Variants in FAF1 observed in about 807,000 individuals in gnomAD.
The protein encoded by FAF1 is FAS-associated factor 1.
FAF1 carries 25 observed loss-of-function variants against 92.5 expected under a neutral mutation model. The observed-to-expected ratio is 0.27, with a 90% CI of 0.20 to 0.38. FAF1 has a LOEUF of 0.38. FAF1 is among the 10% of genes least tolerant of loss of function. The probability of loss-of-function intolerance (pLI) is 1.00; values close to 1 mark genes in which losing one functional copy is unlikely to be tolerated. For missense variants in FAF1, 636 were observed against 793.3 expected, an observed-to-expected ratio of 0.80 and a Z score of 2.38; for synonymous variants, 234 against 273.2, an observed-to-expected ratio of 0.86 and a Z score of 1.42.
chr1:50,681,990 T>C (rs1656447865), intron 7 of FAF1, among the ~76,000 whole-genome samples: 1 of 151,816 alleles, frequency 6.6e-6, no homozygotes, highest in East Asian at 2.0e-4. Context: ...CGTACCACCA[T>C]GCCTGGCTAA....
At chr1:50,913,348 T>C (rs1275039320) in intron 1 of FAF1, among the ~76,000 whole-genome samples, 3 of 152,190 alleles carry the variant, frequency 2.0e-5, no homozygotes, top group Non-Finnish European at 4.4e-5. Context: ...TCATCATCCG[T>C]ACAAGAGAAG....
At chr1:50,704,654 A>G (rs1180396846) in intron 7 of FAF1, among the ~76,000 whole-genome samples, 1 of 152,168 alleles carries the variant, frequency 6.6e-6, no homozygotes, top group African/African-American at 2.4e-5. Context: ...ATGAAATTAC[A>G]ATTTATACAT....
chr1:50,612,365 T>C, intron 8 of FAF1: 1 of 1,245,820 alleles, frequency 8.0e-7, no homozygotes, highest in Non-Finnish European at 1.0e-6. Flanking sequence ...ATAAGTTTGA[T>C]AAATAAAGAG....
At chr1:50,930,909 C>G (rs939199628) in intron 1 of FAF1, among the ~76,000 whole-genome samples, 1 of 152,178 alleles carries the variant, frequency 6.6e-6, no homozygotes, top group Admixed American at 6.5e-5. Flanking sequence ...AAACTGTGTG[C>G]CAGAACTTCT....
intron 6 of FAF1, among the ~76,000 whole-genome samples, chr1:50,712,695 A>G (rs1657988873): frequency 6.6e-6 from 1 of 152,110 alleles, no homozygotes; most frequent in Admixed American, 6.6e-5. Context: ...TGTAATTTGC[A>G]AAGACATTTT....
At chr1:50,605,705 C>T (rs1652345625) in intron 8 of FAF1, among the ~76,000 whole-genome samples, 1 of 152,056 alleles carries the variant, frequency 6.6e-6, no homozygotes, top group Admixed American at 6.5e-5. Flanking sequence ...GGGAAAAGAA[C>T]ATATTAAACA....
intron 2 of FAF1, among the ~76,000 whole-genome samples, chr1:50,844,325 G>A (rs2124648470): frequency 6.6e-6 from 1 of 152,242 alleles, no homozygotes; most frequent in South Asian, 2.1e-4. Flanking sequence ...TCTACAGGCT[G>A]TCAATCACAA....
chr1:50,570,076 T>C (rs958289251), intron 12 of FAF1, among the ~76,000 whole-genome samples: 7 of 152,150 alleles, frequency 4.6e-5, no homozygotes, highest in African/African-American at 1.4e-4. Context: ...ATCTCGACTA[T>C]TATATCGCAG....
rs532384230 is a variant in FAF1 at position 50,870,524 on chromosome 1, C to A, written c.46-12527G>T. Among the ~76,000 whole-genome samples the A allele has an allele frequency of 2.0e-4, 30 of 152,296 alleles. 1 individual carries two copies. The South Asian group carries it at 6.0e-3, about 31-fold the overall frequency. ...CTGCATCGAGCAAGTCCATCAGAAC[C>A]ATTTTTCCAATAGTACACGCTAATT... On this transcript the variant is annotated intron_variant, in intron 1 of 18. Coordinates refer to ENST00000396153, the MANE Select transcript of FAF1 (RefSeq NM_007051.3).
chr1:50,897,104 AAT>A (rs1644763648), intron 1 of FAF1, among the ~76,000 whole-genome samples: 3 of 152,240 alleles, frequency 2.0e-5, no homozygotes, highest in Admixed American at 1.3e-4. Flanking sequence ...AATCTAATAA[AAT>A]ATGTGCAAAA....
chr1:50,607,870 T>C (rs1652499251), intron 8 of FAF1, among the ~76,000 whole-genome samples: 1 of 152,180 alleles, frequency 6.6e-6, no homozygotes, highest in African/African-American at 2.4e-5. Flanking sequence ...AGAGGCAATG[T>C]GGATGTCACA....
chr1:50,742,208 G>A (rs1344000465), intron 5 of FAF1, among the ~76,000 whole-genome samples: 1 of 151,366 alleles, frequency 6.6e-6, no homozygotes, highest in Non-Finnish European at 1.5e-5. Context: ...TAGCTACTTA[G>A]AAGGCTGAGG....
intron 2 of FAF1, among the ~76,000 whole-genome samples, chr1:50,820,845 TAATG>T (rs1644036757): frequency 6.7e-6 from 1 of 150,188 alleles, no homozygotes; most frequent in Non-Finnish European, 1.5e-5. Context: ...GGCTGAATAA[TAATG>T]TGTGTGTGTG....
chr1:50,712,459 C>A (rs1657973249), intron 6 of FAF1, among the ~76,000 whole-genome samples: 1 of 151,772 alleles, frequency 6.6e-6, no homozygotes, highest in Non-Finnish European at 1.5e-5. Context: ...AATTTGAGAC[C>A]AGCCTGGCCA....
intron 7 of FAF1, among the ~76,000 whole-genome samples, chr1:50,693,929 C>G (rs1260174751): frequency 6.8e-6 from 1 of 147,292 alleles, no homozygotes; most frequent in Non-Finnish European, 1.5e-5. Context: ...GAAATCAAGA[C>G]TCTTAAGATA....
At chr1:50,549,432 C>A (rs1390223756) in intron 13 of FAF1, among the ~76,000 whole-genome samples, 1 of 151,538 alleles carries the variant, frequency 6.6e-6, no homozygotes, top group East Asian at 2.0e-4. Flanking sequence ...CCTCAGCCTC[C>A]CGAGTAGCTG....
intron 6 of FAF1, among the ~76,000 whole-genome samples, chr1:50,722,271 A>G (rs1298923946): frequency 6.6e-6 from 1 of 152,206 alleles, no homozygotes; most frequent in East Asian, 1.9e-4. Context: ...TGAGGACCAC[A>G]TTGATTCTGA....
chr1:50,551,128 C>A (rs2149046381), intron 13 of FAF1, among the ~76,000 whole-genome samples: 1 of 151,882 alleles, frequency 6.6e-6, no homozygotes, highest in East Asian at 1.9e-4. Flanking sequence ...TTTTTATTTT[C>A]CTATTTTATA....
chr1:50,739,392 GTTTA>G (rs1199669629), intron 5 of FAF1, among the ~76,000 whole-genome samples: 4 of 134,362 alleles, frequency 3.0e-5, no homozygotes, highest in African/African-American at 1.0e-4. Context: ...ATATATGTGT[GTTTA>G]TGTGTATGTG....
Sources: allele counts gnomAD v4.1 joint callset (sites outside exome capture counted in the v4.1 genomes callset), GRCh38; gene constraint gnomAD v4.1.1; transcripts MANE v1.5; gene names NCBI Gene and HGNC (gene_info 2026-07-23, HGNC 2026-07-21).